The following CCDC126 variants were observed in gnomAD, a reference collection of about 807,000 sequenced individuals.
CCDC126 encodes the protein coiled-coil domain containing 126, also known as coiled-coil domain-containing protein 126.
Under a neutral mutation model 11.7 loss-of-function variants are expected in CCDC126, and 5 were observed. The ratio of observed to expected loss-of-function variants is 0.43; its 90% CI spans 0.22 to 0.90. The LOEUF is 0.90. CCDC126 is among the 40% of genes least tolerant of loss of function. The probability of loss-of-function intolerance (pLI) is 0.27; values close to 1 mark genes in which losing one functional copy is unlikely to be tolerated. For missense variants in CCDC126, 150 were observed against 163.1 expected, an observed-to-expected ratio of 0.92 and a Z score of 0.44; for synonymous variants, 60 against 61.9, an observed-to-expected ratio of 0.97 and a Z score of 0.14.
rs550867678 is a variant in CCDC126 at position 23,643,568 on chromosome 7, G to A, written c.*453G>A. 6.5e-6 allele frequency: 1 copy of A among 153,552 alleles called. No homozygotes were observed. Among genetic ancestry groups the A allele is most frequent in the East Asian group, 1.9e-4 (1 of 5,204 alleles). The allele number at this position is 153,552 out of a possible 1,614,324, so 9.5% of individuals were successfully genotyped here. On this transcript the variant is annotated 3_prime_UTR_variant, in exon 4 of 4. Coordinates refer to ENST00000307471, the MANE Select transcript of CCDC126 (RefSeq NM_138771.4). The stretch of plus-strand genomic sequence containing the variant: ...TTAGACTACGGCTATTTGAAAAAAT[G>A]TGCTTATTGTACTATATTTTGTTAT...
chr7:23,632,618 A>T (rs992577394), intron 3 of CCDC126, among the ~76,000 whole-genome samples: 3 of 152,224 alleles, frequency 2.0e-5, no homozygotes, highest in African/African-American at 7.2e-5. Context: ...AGATGTTACC[A>T]TTGTAGGGAA....
At chr7:23,640,714 C>A (rs551412756) in intron 3 of CCDC126, among the ~76,000 whole-genome samples, 1 of 151,982 alleles carries the variant, frequency 6.6e-6, no homozygotes, top group Non-Finnish European at 1.5e-5. Context: ...TCTACATATT[C>A]TATATAAGTG....
chr7:23,609,254 G>C (rs1476879297), intron 2 of CCDC126, among the ~76,000 whole-genome samples: 2 of 151,860 alleles, frequency 1.3e-5, no homozygotes, highest in African/African-American at 4.8e-5. Context: ...TGCAATCTCA[G>C]CTCACTGCAA....
intron 3 of CCDC126, among the ~76,000 whole-genome samples, chr7:23,618,156 C>T (rs1354275521): frequency 6.6e-6 from 1 of 152,206 alleles, no homozygotes; most frequent in African/African-American, 2.4e-5. Context: ...TGATAATATG[C>T]AGAATATTGC....
chr7:23,613,921 A>G lies in CCDC126; in HGVS notation c.238+2368A>G, dbSNP rs1054794164. On this transcript the variant is annotated intron_variant, in intron 3 of 3. Transcript: ENST00000307471. ...AACAATGTACATACCTTAATTGAAA[A>G]TACTTTATTGCTAAAATATGCCAAA... 5.9e-5 allele frequency among the ~76,000 whole-genome samples: 9 copies of G among 152,356 alleles called. No individual in the cohort carries two copies. In the East Asian group the frequency reaches 1.7e-3, roughly 29 times the overall value.
At chr7:23,638,863 C>CAAAAAAAAAAAAAAAA (rs61374394) in intron 3 of CCDC126, among the ~76,000 whole-genome samples, 5 of 108,576 alleles carry the variant, frequency 4.6e-5, no homozygotes, top group Non-Finnish European at 7.3e-5. Context: ...AATAAATTAA[C>CAAAAAAAAAAAAAAAA]AAAAAAAAAA....
At chr7:23,635,485 T>C (rs1458291937) in intron 3 of CCDC126, among the ~76,000 whole-genome samples, 1 of 152,226 alleles carries the variant, frequency 6.6e-6, no homozygotes, top group Non-Finnish European at 1.5e-5. Flanking sequence ...AAACATAAAA[T>C]TGTATTGTGA....
At chr7:23,636,635 G>T (rs1237044032) in intron 3 of CCDC126, among the ~76,000 whole-genome samples, 1 of 141,100 alleles carries the variant, frequency 7.1e-6, no homozygotes, top group Admixed American at 6.9e-5. Context: ...CAACCGCCCC[G>T]TCTGAGAAGT....
chr7:23,638,418 C>A, intron 3 of CCDC126, among the ~76,000 whole-genome samples: 1 of 81,814 alleles, frequency 1.2e-5, no homozygotes, highest in Non-Finnish European at 2.4e-5. Flanking sequence ...GACCTTATCT[C>A]CAACCCTGTG....
At chr7:23,599,636 T>G (rs1277535847) in intron 2 of CCDC126, among the ~76,000 whole-genome samples, 1 of 151,944 alleles carries the variant, frequency 6.6e-6, no homozygotes, top group Non-Finnish European at 1.5e-5. Flanking sequence ...ATTTTTGTAG[T>G]TTTAGTAGAG....
chr7:23,619,416 T>C (rs1318914280), intron 3 of CCDC126: 3 of 423,490 alleles, frequency 7.1e-6, no homozygotes, highest in East Asian at 1.4e-4. Flanking sequence ...AAGAAAAGGA[T>C]AGATTAAAAC....
intron 2 of CCDC126, among the ~76,000 whole-genome samples, chr7:23,600,453 GA>G (rs1782521273): frequency 7.2e-6 from 1 of 138,276 alleles, no homozygotes; most frequent in Admixed American, 8.2e-5. Flanking sequence ...CTTTTTCCCT[GA>G]AATTACATTC....
chr7:23,616,901 C>T (rs1407504921), intron 3 of CCDC126, among the ~76,000 whole-genome samples: 1 of 152,044 alleles, frequency 6.6e-6, no homozygotes, highest in Non-Finnish European at 1.5e-5. Flanking sequence ...CTGTTAATTC[C>T]AGCATTTGGG....
intron 3 of CCDC126, among the ~76,000 whole-genome samples, chr7:23,638,203 G>A (rs1326169702): frequency 1.3e-5 from 2 of 152,030 alleles, no homozygotes; most frequent in Non-Finnish European, 2.9e-5. Context: ...CCACGACCCC[G>A]TCTGGGAGGT....
intron 3 of CCDC126, among the ~76,000 whole-genome samples, chr7:23,634,686 G>A (rs1022948682): frequency 2.2e-4 from 34 of 152,208 alleles, no homozygotes; most frequent in African/African-American, 8.2e-4. Context: ...CAGCCAGTGG[G>A]AGGTATGGGA....
intron 3 of CCDC126, 91 bp from the exon 4 acceptor site, chr7:23,642,840 C>A: frequency 9.9e-7 from 1 of 1,006,558 alleles, no homozygotes; most frequent in Non-Finnish European, 1.5e-6. Context: ...TCAGATGACC[C>A]AGTAGTTGTT....
intron 3 of CCDC126, among the ~76,000 whole-genome samples, chr7:23,620,309 G>C (rs1236368145): frequency 2.6e-5 from 4 of 152,358 alleles, no homozygotes; most frequent in East Asian, 3.9e-4. Context: ...TTGTGGTTTT[G>C]ATTTGCATTT....
At chr7:23,612,031 A>G (rs1782720604) in intron 3 of CCDC126, among the ~76,000 whole-genome samples, 1 of 151,980 alleles carries the variant, frequency 6.6e-6, no homozygotes, top group East Asian at 1.9e-4. Context: ...TTGTAGTCCC[A>G]GCTACTTGGG....
chr7:23,607,259 A>G lies in CCDC126; in HGVS notation c.-145-3912A>G, dbSNP rs148184812. Among the ~76,000 whole-genome samples the G allele has an allele frequency of 6.5e-3, 988 of 152,334 alleles. 12 individuals carry two copies. The highest frequency in any genetic ancestry group is 0.021 in the African/African-American group (863 of 41,580). ...CTGTTTTGATGGAAGAAGTACTCCA[A>G]TAAGAACTATGCCAGATGGTAGCCA... On this transcript the variant is annotated intron_variant, in intron 2 of 3. Transcript: ENST00000307471.
Sources: allele counts gnomAD v4.1 joint callset (sites outside exome capture counted in the v4.1 genomes callset), GRCh38; gene constraint gnomAD v4.1.1; transcripts MANE v1.5; gene names NCBI Gene and HGNC (gene_info 2026-07-23, HGNC 2026-07-21).